Variants in PREP observed in about 807,000 individuals in gnomAD.
PREP encodes prolyl endopeptidase.
PREP carries 29 observed loss-of-function variants against 87.6 expected under a neutral mutation model. That is an observed-to-expected ratio of 0.33 (90% CI 0.25 to 0.45). The LOEUF is 0.45. Among genes scored for constraint, PREP ranks in the 20% least tolerant of loss-of-function variants. The pLI is 1.00. For missense variants in PREP, 695 were observed against 886.5 expected, an observed-to-expected ratio of 0.78 and a Z score of 2.74; for synonymous variants, 337 against 328.6, an observed-to-expected ratio of 1.03 and a Z score of -0.28.
chr6:105,336,774 C>T (rs1771492120), intron 7 of PREP, among the ~76,000 whole-genome samples: 1 of 152,142 alleles, frequency 6.6e-6, no homozygotes, highest in South Asian at 2.1e-4. Flanking sequence ...TGTAGTTTAT[C>T]ATTTTTGGAA....
chr6:105,402,763 G>A lies in PREP; in HGVS notation c.45+84C>T, dbSNP rs1158399792. The A allele has an allele frequency of 1.1e-5, 15 of 1,324,688 alleles. No homozygotes were observed. The East Asian group carries it at 1.9e-4, about 17-fold the overall frequency. The allele number at this position is 1,324,688 out of a possible 1,614,324, so 82.1% of individuals were successfully genotyped here. Reference sequence around the variant, plus strand: ...GGGACGCGGGGGTCGAAGGCCTACAGGAAGAGGAGCTGCGGGTGCCACGGG... The same window carrying A: ...GGGACGCGGGGGTCGAAGGCCTACAAGAAGAGGAGCTGCGGGTGCCACGGG... On this transcript the variant is annotated intron_variant, in intron 1 of 14. Coordinates refer to ENST00000652536, the MANE Select transcript of PREP (RefSeq NM_002726.5).
intron 6 of PREP, among the ~76,000 whole-genome samples, chr6:105,357,019 T>C (rs1232429915): frequency 2.0e-5 from 3 of 152,222 alleles, no homozygotes; most frequent in Non-Finnish European, 4.4e-5. Context: ...CTTTGTATTA[T>C]ATTTTTCCTT....
chr6:105,335,621 G>A (rs1054537573), intron 7 of PREP, among the ~76,000 whole-genome samples: 5 of 152,202 alleles, frequency 3.3e-5, no homozygotes, highest in African/African-American at 1.2e-4. Flanking sequence ...GCCAGGTGCA[G>A]TGGCTCACAC....
intron 7 of PREP, among the ~76,000 whole-genome samples, chr6:105,337,065 CT>C (rs2114663612): frequency 6.6e-6 from 1 of 152,036 alleles, no homozygotes; most frequent in East Asian, 1.9e-4. Flanking sequence ...TTCCAAGCTT[CT>C]TGTTTATTGT....
At chr6:105,333,728 T>A (rs1771403911) in intron 7 of PREP, among the ~76,000 whole-genome samples, 1 of 152,138 alleles carries the variant, frequency 6.6e-6, no homozygotes, top group African/African-American at 2.4e-5. Flanking sequence ...GAAGGACCTC[T>A]CTTCCCGGCC....
intron 6 of PREP, among the ~76,000 whole-genome samples, chr6:105,359,098 A>G (rs1241091756): frequency 6.6e-6 from 1 of 152,160 alleles, no homozygotes; most frequent in East Asian, 1.9e-4. Context: ...ACTGCAGTCC[A>G]CTATTCAGGG....
intron 5 of PREP, among the ~76,000 whole-genome samples, chr6:105,371,270 C>A (rs923136154): frequency 6.6e-6 from 1 of 152,040 alleles, no homozygotes; most frequent in East Asian, 1.9e-4. Flanking sequence ...TTTGGGAGGC[C>A]GAGGTGGGAG....
intron 10 of PREP, among the ~76,000 whole-genome samples, 174 bp downstream of exon 10, chr6:105,323,491 C>A (rs957077098): frequency 2.0e-5 from 3 of 152,138 alleles, no homozygotes; most frequent in Non-Finnish European, 4.4e-5. Context: ...AGCGACTATG[C>A]CAGCTCACTG....
chr6:105,289,944 T>TG (rs1162847367), intron 10 of PREP, among the ~76,000 whole-genome samples: 1 of 149,868 alleles, frequency 6.7e-6, no homozygotes, highest in Admixed American at 6.7e-5. Flanking sequence ...ATAACCATGG[T>TG]GGGGGAAGGG....
intron 10 of PREP, chr6:105,298,460 A>C (rs1770459706): frequency 6.5e-6 from 1 of 153,758 alleles, no homozygotes; most frequent in Admixed American, 6.5e-5. Context: ...CTGAGAAGAA[A>C]GCTGCCAGCA....
intron 6 of PREP, among the ~76,000 whole-genome samples, chr6:105,364,765 G>C (rs1078726): frequency 6.6e-6 from 1 of 152,032 alleles, no homozygotes. Flanking sequence ...GCCACAGACC[G>C]AACTAGAATA....
intron 7 of PREP, among the ~76,000 whole-genome samples, chr6:105,350,358 G>C (rs987122042): frequency 6.6e-6 from 1 of 151,292 alleles, no homozygotes; most frequent in South Asian, 2.1e-4. Flanking sequence ...TATTAAGGGA[G>C]AGAAAAAAAA....
At chr6:105,322,377 AAC>A (rs1771033840) in intron 10 of PREP, 1 of 947,076 alleles carries the variant, frequency 1.1e-6, no homozygotes, top group African/African-American at 1.8e-5. Context: ...AATCCTAAAA[AAC>A]AGATACTATC....
chr6:105,283,175 G>A (rs941313704), intron 12 of PREP, among the ~76,000 whole-genome samples: 1 of 152,242 alleles, frequency 6.6e-6, no homozygotes, highest in Non-Finnish European at 1.5e-5. Flanking sequence ...AAGGAATTGG[G>A]TGGTGAGGTA....
intron 4 of PREP, among the ~76,000 whole-genome samples, chr6:105,375,466 C>T (rs1772664944): frequency 6.6e-6 from 1 of 152,194 alleles, no homozygotes; most frequent in Admixed American, 6.5e-5. Context: ...TAGAACTCTG[C>T]TTACTGCAGA....
intron 10 of PREP, among the ~76,000 whole-genome samples, chr6:105,309,048 C>A (rs1360322936): frequency 6.6e-6 from 1 of 151,850 alleles, no homozygotes; most frequent in Non-Finnish European, 1.5e-5. Flanking sequence ...TGCATGTATG[C>A]CAAGCAAAGC....
chr6:105,295,988 G>T (rs889938758), intron 10 of PREP, among the ~76,000 whole-genome samples: 2 of 152,186 alleles, frequency 1.3e-5, no homozygotes, highest in African/African-American at 4.8e-5. Context: ...TATGATTTAT[G>T]TATGATATAT....
intron 5 of PREP, among the ~76,000 whole-genome samples, chr6:105,370,928 ATAC>A (rs1772522219): frequency 6.6e-6 from 1 of 152,238 alleles, no homozygotes; most frequent in Non-Finnish European, 1.5e-5. Context: ...ACTCTGTATG[ATAC>A]TACAACACTG....
At chr6:105,368,814 T>C in intron 6 of PREP, 89 bp downstream of exon 6, 2 of 1,453,972 alleles carry the variant, frequency 1.4e-6, no homozygotes, top group East Asian at 2.3e-5. Flanking sequence ...ACTTCTGCCA[T>C]CCATAAAGGT....
Sources: allele counts gnomAD v4.1 joint callset (sites outside exome capture counted in the v4.1 genomes callset), GRCh38; gene constraint gnomAD v4.1.1; transcripts MANE v1.5; gene names NCBI Gene and HGNC (gene_info 2026-07-23, HGNC 2026-07-21).